Variants in GRM1 observed in about 807,000 individuals in gnomAD.
The protein encoded by GRM1 is metabotropic glutamate receptor 1.
A neutral mutation model predicts 90.9 loss-of-function variants in GRM1; 33 were observed. The ratio of observed to expected loss-of-function variants is 0.36; its 90% CI spans 0.28 to 0.49. GRM1 has a LOEUF of 0.49. Among genes scored for constraint, GRM1 ranks in the 20% least tolerant of loss-of-function variants. GRM1 has a pLI of 0.99. For missense variants in GRM1, 1,190 were observed against 1,534.3 expected (o/e 0.78, Z 3.75); for synonymous variants, 700 against 613.2 (o/e 1.14, Z -2.09).
chr6:146,283,772 C>T (rs1782664633), intron 2 of GRM1, among the ~76,000 whole-genome samples: 1 of 152,118 alleles, frequency 6.6e-6, no homozygotes, highest in South Asian at 2.1e-4. Context: ...TGCCCAAGGT[C>T]ACAGAACTGG....
chr6:146,323,113 A>G (rs541937835), intron 3 of GRM1, among the ~76,000 whole-genome samples: 1 of 152,274 alleles, frequency 6.6e-6, no homozygotes, highest in African/African-American at 2.4e-5. Flanking sequence ...TTGGGTATAT[A>G]CCCAGTGATG....
chr6:146,127,552 T>C (rs894600102), intron 1 of GRM1, among the ~76,000 whole-genome samples: 1 of 151,998 alleles, frequency 6.6e-6, no homozygotes, highest in Non-Finnish European at 1.5e-5. Context: ...AGACACGGGG[T>C]GCAATAGACC....
At chr6:146,150,946 A>G (rs1487261255) in intron 1 of GRM1, among the ~76,000 whole-genome samples, 33 of 151,636 alleles carry the variant, frequency 2.2e-4, no homozygotes, top group South Asian at 2.1e-4. Flanking sequence ...GCGCACACAC[A>G]CACACACACA....
chr6:146,051,924 G>C (rs1775305527), intron 1 of GRM1, among the ~76,000 whole-genome samples: 2 of 151,984 alleles, frequency 1.3e-5, no homozygotes. Context: ...AGTTGCAAAG[G>C]GTGGTGGAGG....
intron 2 of GRM1, among the ~76,000 whole-genome samples, chr6:146,169,545 C>T (rs1401900200): frequency 2.6e-5 from 4 of 152,090 alleles, no homozygotes; most frequent in African/African-American, 9.7e-5. Flanking sequence ...GGAATCCCTC[C>T]AAAGATTTGT....
At chr6:146,186,258 G>A (rs1020340116) in intron 2 of GRM1, among the ~76,000 whole-genome samples, 8 of 151,858 alleles carry the variant, frequency 5.3e-5, no homozygotes, top group Non-Finnish European at 8.8e-5. Context: ...GATACCAGGC[G>A]TGAGCCACCA....
rs917319002 is a variant in GRM1, at chr6:146,242,443, G to A, written c.951-62168G>A. ...CAGAAACAGAGTATGGAAAAGACCT[G>A]GTAGACTTTAGACACCAATCTTCCT... On this transcript the variant is annotated intron_variant, in intron 2 of 7. Transcript: ENST00000282753. 2.0e-5 allele frequency among the ~76,000 whole-genome samples: 3 copies of A among 152,016 alleles called. No individual in the cohort carries two copies. The South Asian group carries it at 6.2e-4, about 32-fold the overall frequency.
In GRM1 at chr6:146,305,955, A is replaced by G. The variant is rs1336427626; in HGVS notation, c.1186+1109A>G. On this transcript the variant is annotated intron_variant, in intron 3 of 7. Transcript: ENST00000282753. The stretch of plus-strand genomic sequence containing the variant: ...AGTTTTTGCAGGGGATGGTAAGAAT[A>G]TGGCTAATTACATAAAATATTTCTA... 2.6e-5 allele frequency among the ~76,000 whole-genome samples: 4 copies of G among 152,354 alleles called. No individual in the cohort carries two copies. The East Asian group carries it at 5.8e-4, about 22-fold the overall frequency.
chr6:146,029,427 C>A lies in GRM1; in HGVS notation c.-91C>A, dbSNP rs118064407. ...AGGGGCACCACTCCGGGAGAGGCGG[C>A]GCTGGGCGTCTTGGGGGTGCGCGCC... On this transcript the variant is annotated 5_prime_UTR_variant, in exon 1 of 8. Coordinates refer to ENST00000282753, the MANE Select transcript of GRM1 (RefSeq NM_001278064.2). The A allele has an allele frequency of 4.5e-3, 4,467 of 1,003,150 alleles. 104 individuals carry two copies. The East Asian group carries it at 0.065, about 15-fold the overall frequency. The allele number at this position is 1,003,150 out of a possible 1,614,324, so 62.1% of individuals were successfully genotyped here.
intron 5 of GRM1, among the ~76,000 whole-genome samples, chr6:146,368,051 G>A (rs117082959): frequency 0.021 from 3,212 of 152,096 alleles, 40 homozygotes; most frequent in Non-Finnish European, 0.032. Flanking sequence ...TCATCAGTGT[G>A]TTATAGTTTT....
intron 2 of GRM1, among the ~76,000 whole-genome samples, chr6:146,201,635 C>T (rs982296920): frequency 1.3e-5 from 2 of 152,230 alleles, no homozygotes; most frequent in East Asian, 1.9e-4. Flanking sequence ...CAAATTCCAT[C>T]ACATTGGGGA....
chr6:146,341,707 C>T (rs901251587), intron 3 of GRM1, among the ~76,000 whole-genome samples: 7 of 152,140 alleles, frequency 4.6e-5, no homozygotes, highest in East Asian at 1.9e-4. Context: ...TGCTAAACTC[C>T]GTATGTTCCT....
chr6:146,199,354 C>T (rs955035082), intron 2 of GRM1, among the ~76,000 whole-genome samples: 1 of 152,196 alleles, frequency 6.6e-6, no homozygotes, highest in Non-Finnish European at 1.5e-5. Context: ...CTAAGAGCTA[C>T]CCTAAAGTCA....
chr6:146,319,883 C>G (rs2114966330), intron 3 of GRM1, among the ~76,000 whole-genome samples: 1 of 152,264 alleles, frequency 6.6e-6, no homozygotes, highest in East Asian at 1.9e-4. Flanking sequence ...ATGGGGTTTT[C>G]TAAATATACA....
intron 5 of GRM1, among the ~76,000 whole-genome samples, chr6:146,377,572 T>G (rs1292774066): frequency 6.6e-6 from 1 of 152,050 alleles, no homozygotes; most frequent in Non-Finnish European, 1.5e-5. Flanking sequence ...GGATAAAAGT[T>G]TGGAAGATTT....
At chr6:146,051,036 T>C (rs1791505130) in intron 1 of GRM1, among the ~76,000 whole-genome samples, 1 of 151,934 alleles carries the variant, frequency 6.6e-6, no homozygotes, top group Admixed American at 6.6e-5. Context: ...GTAGTTATAG[T>C]TCAAGCAGAC....
chr6:146,359,839 A>G (rs1775396627), intron 5 of GRM1, among the ~76,000 whole-genome samples: 1 of 152,200 alleles, frequency 6.6e-6, no homozygotes, highest in Non-Finnish European at 1.5e-5. Context: ...AGCATTCACT[A>G]TAAATGCAAA....
At chr6:146,067,893 T>C (rs568262846) in intron 1 of GRM1, among the ~76,000 whole-genome samples, 1 of 152,340 alleles carries the variant, frequency 6.6e-6, no homozygotes, top group South Asian at 2.1e-4. Flanking sequence ...ACTTTTAGAA[T>C]TCTCATAATA....
rs1778131529 is a variant in GRM1 at position 146,171,645 on chromosome 6, G to A, written c.950+12048G>A. On this transcript the variant is annotated intron_variant, in intron 2 of 7. Transcript: ENST00000282753. ...GAATTTTTTCTCCTTCAGCTTGCAA[G>A]TCATACTGAGTACATCAAAGATGAC... is the stretch of plus-strand genomic sequence containing the variant. 6 of 264,134 alleles carry A rather than the reference G, an allele frequency of 2.3e-5. No individual in the cohort carries two copies. The South Asian group carries it at 3.4e-4, about 15-fold the overall frequency. 16.4% of individuals were successfully genotyped at this position (264,134 alleles called of 1,614,324 possible).
Sources: allele counts gnomAD v4.1 joint callset (sites outside exome capture counted in the v4.1 genomes callset), GRCh38; gene constraint gnomAD v4.1.1; transcripts MANE v1.5; gene names NCBI Gene and HGNC (gene_info 2026-07-23, HGNC 2026-07-21).